CXorf66: variants seen among roughly 807,000 people sequenced by gnomAD.
CXorf66 encodes chromosome X open reading frame 66.
CXorf66 carries 6 observed loss-of-function variants against 5.0 expected under a neutral mutation model. The ratio of observed to expected loss-of-function variants is 1.20; its 90% CI spans 0.65 to 2.36. CXorf66 has a LOEUF of 2.36. Ranked by LOEUF, CXorf66 falls within the 30% of genes most tolerant of loss-of-function variation. The pLI, the probability that CXorf66 is intolerant of heterozygous loss-of-function variation, is 0.00. For synonymous variants in CXorf66, 98 were observed against 102.8 expected (o/e 0.95, Z 0.28); for missense variants, 270 against 254.9 (o/e 1.06, Z -0.40).
intron 2 of CXorf66, among the ~76,000 whole-genome samples, chrX:139,957,081 C>T (rs966422880): frequency 1.8e-5 from 2 of 111,124 alleles, no homozygotes; most frequent in Admixed American, 9.7e-5. Context: ...GCAGGAGAAT[C>T]GTCTGAACCT....
In CXorf66 at chrX:139,956,070, C is replaced by A. The variant is rs186251954; in HGVS notation, c.912G>T (p.Lys304Asn). The A allele has an allele frequency of 8.3e-7, 1 of 1,209,204 alleles. No homozygotes were observed. The highest frequency in any genetic ancestry group is 1.1e-6 in the Non-Finnish European group (1 of 894,446). The change falls in exon 3 of 3, where the codon AAG becomes AAT. Residue 304 changes from lysine to asparagine, a missense_variant. By Grantham distance (94) the Lys-to-Asn change is moderately conservative. Coordinates refer to ENST00000370540, the MANE Select transcript of CXorf66 (RefSeq NM_001013403.3). ...ACTTACGAAAGGACCTGGAAGAGGA[C>A]TTGACTTTGCTTGAAACATGTAGGT... ...TQNLHVSSKV[K>N]SSSRSFRKLD...
intron 2 of CXorf66, 100 bp downstream of exon 2, chrX:139,957,964 G>A: frequency 1.2e-6 from 1 of 859,308 alleles, no homozygotes; most frequent in Non-Finnish European, 1.6e-6. Context: ...CTCTTCAGAA[G>A]TCTAAAGTTA....
At chrX:139,957,234 A>G (rs1054324150) in intron 2 of CXorf66, among the ~76,000 whole-genome samples, 3 of 111,634 alleles carry the variant, frequency 2.7e-5, no homozygotes, top group Non-Finnish European at 5.6e-5. Context: ...GGTTATAAAT[A>G]TGGACTCTTG....
chrX:139,963,077 C>T (rs866983983), intron 1 of CXorf66, among the ~76,000 whole-genome samples: 14 of 110,862 alleles, frequency 1.3e-4, no homozygotes, highest in African/African-American at 4.3e-4. Context: ...CCAGGGCAAT[C>T]GGGCCAGAAA....
At chrX:139,958,014 T>C (rs778932402) in intron 2 of CXorf66, 50 bp downstream of exon 2, 2 of 1,097,447 alleles carry the variant, frequency 1.8e-6, no homozygotes. Flanking sequence ...CTCCGCTATA[T>C]GTACACACAC....
At position 139,958,231 on chromosome X, in the gene CXorf66, G is replaced by A; in HGVS notation, c.89-14C>T. 1 of 1,147,513 alleles carries A rather than the reference G, an allele frequency of 8.7e-7. No homozygotes were observed. Among genetic ancestry groups the A allele is most frequent in the South Asian group, 2.2e-5 (1 of 46,223 alleles). The allele number at this position is 1,147,513 out of a possible 1,213,427, so 94.6% of individuals were successfully genotyped here. ...CAGGTTTATCTCCTGCAAAGAGATT[G>A]TATAATCAGAGAAGGTGTTAAGTAA... On this transcript the variant is annotated splice_polypyrimidine_tract_variant and intron_variant, in intron 1 of 2. Transcript: ENST00000370540.
chrX:139,957,643 T>C (rs745317309), intron 2 of CXorf66, among the ~76,000 whole-genome samples: 1 of 111,959 alleles, frequency 8.9e-6, no homozygotes, highest in East Asian at 2.8e-4. Flanking sequence ...AGGCAGGCAC[T>C]GAGATCATGA....
intron 1 of CXorf66, among the ~76,000 whole-genome samples, chrX:139,961,597 A>C (rs987893337): frequency 2.7e-5 from 3 of 111,513 alleles, no homozygotes; most frequent in Admixed American, 9.6e-5. Flanking sequence ...GAACTCTCCA[A>C]CCCAAATCAA....
intron 2 of CXorf66, 81 bp downstream of exon 2, chrX:139,957,983 T>C (rs2085579717): frequency 3.1e-6 from 3 of 959,458 alleles, no homozygotes; most frequent in Middle Eastern, 2.8e-4. Flanking sequence ...TAATATTGAG[T>C]AACCTGAACA....
In CXorf66 at chrX:139,955,795, A is replaced by G; in HGVS notation, c.*101T>C. ...TCCAAGACAGATATGGGTGATCTTG[A>G]TAGTGATTTTTCCCTCTACTGGTTT... On this transcript the variant is annotated 3_prime_UTR_variant, in exon 3 of 3. Coordinates refer to ENST00000370540, the MANE Select transcript of CXorf66 (RefSeq NM_001013403.3). The G allele has an allele frequency of 1.3e-6, 1 of 754,162 alleles. No individual in the cohort carries two copies. Among genetic ancestry groups the G allele is most frequent in the Non-Finnish European group, 1.9e-6 (1 of 533,610 alleles). The allele number at this position is 754,162 out of a possible 1,213,427, so 62.2% of individuals were successfully genotyped here. A position where few individuals can be genotyped will look rare whatever the true frequency, so the allele number is the denominator to read the frequency against.
intron 1 of CXorf66, among the ~76,000 whole-genome samples, chrX:139,960,262 G>A (rs1320877447): frequency 2.8e-5 from 3 of 108,896 alleles, no homozygotes; most frequent in East Asian, 2.9e-4. Context: ...AACACAGCAC[G>A]AGAACTTCGT....
At chrX:139,965,350 ATACTT>A in intron 1 of CXorf66, 54 bp downstream of exon 1, 1 of 819,716 alleles carries the variant, frequency 1.2e-6, no homozygotes, top group Non-Finnish European at 1.8e-6. Flanking sequence ...TTCTAATTAA[ATACTT>A]TAATGTATAC....
chrX:139,958,280 G>C, intron 1 of CXorf66, 63 bp from the exon 2 acceptor site: 1 of 827,316 alleles, frequency 1.2e-6, no homozygotes, highest in Non-Finnish European at 1.7e-6. Flanking sequence ...CACATTGATA[G>C]TGGTTTGATA....
intron 1 of CXorf66, among the ~76,000 whole-genome samples, chrX:139,962,665 A>C (rs1436485632): frequency 3.6e-5 from 4 of 111,993 alleles, no homozygotes; most frequent in Admixed American, 9.6e-5. Context: ...TTGATGCTAA[A>C]ATTCTCAATA....
intron 2 of CXorf66, among the ~76,000 whole-genome samples, 192 bp from the exon 3 acceptor site, chrX:139,956,931 C>T (rs1264896070): frequency 4.5e-5 from 5 of 111,265 alleles, no homozygotes; most frequent in Admixed American, 9.6e-5. Flanking sequence ...TTTGGGAGGA[C>T]GAGGTGGGCA....
chrX:139,960,331 T>C (rs1423224038), intron 1 of CXorf66, among the ~76,000 whole-genome samples: 1 of 107,894 alleles, frequency 9.3e-6, no homozygotes, highest in Non-Finnish European at 1.9e-5. Flanking sequence ...ATATCAGAGA[T>C]TGAAGATCAA....
chrX:139,962,105 A>T (rs1731277724), intron 1 of CXorf66, among the ~76,000 whole-genome samples: 1 of 111,096 alleles, frequency 9.0e-6, no homozygotes, highest in East Asian at 2.8e-4. Flanking sequence ...CACATGAAAA[A>T]CCCTTCAAAA....
At chrX:139,959,276 CCT>C (rs1445379774) in intron 1 of CXorf66, among the ~76,000 whole-genome samples, 2 of 111,682 alleles carry the variant, frequency 1.8e-5, no homozygotes, top group Non-Finnish European at 3.8e-5. Flanking sequence ...CACTTTTCCC[CCT>C]GACAGTGCTA....
chrX:139,961,935 A>G (rs969758085), intron 1 of CXorf66, among the ~76,000 whole-genome samples: 1 of 112,012 alleles, frequency 8.9e-6, no homozygotes, highest in African/African-American at 3.2e-5. Flanking sequence ...TTAAGTGGGA[A>G]ATTTATAGCA....
Sources: gnomAD v4.1 joint callset for allele counts (sites outside exome capture counted in the v4.1 genomes callset) on GRCh38, gnomAD v4.1.1 for gene constraint, MANE v1.5 for transcripts, NCBI Gene and HGNC (gene_info 2026-07-23, HGNC 2026-07-21) for gene names.